The following GPHN variants were observed in gnomAD, a reference collection of about 807,000 sequenced individuals.
The protein encoded by GPHN is gephyrin.
In GPHN, 17 loss-of-function variants were observed where a neutral mutation model predicts 95.5. The ratio of observed to expected loss-of-function variants is 0.18; its 90% CI spans 0.12 to 0.27. The LOEUF (loss-of-function observed/expected upper bound fraction) is 0.27. Ranked by LOEUF, GPHN falls within the 10% of genes least tolerant of loss-of-function variation. The pLI is 1.00. For missense variants in GPHN, 660 were observed against 978.1 expected (o/e 0.67, Z 4.34); for synonymous variants, 320 against 322.5 (o/e 0.99, Z 0.08).
At chr14:67,319,421 C>G in the GPHN span, among the ~76,000 whole-genome samples, 2 of 152,094 alleles carry the variant, frequency 1.3e-5, no homozygotes, top group Non-Finnish European at 2.9e-5. Flanking sequence ...ATTCATGACT[C>G]TGGGTTAGCA....
intron 2 of GPHN, among the ~76,000 whole-genome samples, chr14:66,716,916 TGG>T (rs2070235861): frequency 6.6e-6 from 1 of 152,226 alleles, no homozygotes; most frequent in Non-Finnish European, 1.5e-5. Context: ...ATAGGTTACC[TGG>T]TGCTTTTGTC....
At chr14:67,231,956 G>A in the GPHN span, among the ~76,000 whole-genome samples, 1 of 148,332 alleles carries the variant, frequency 6.7e-6, no homozygotes, top group Non-Finnish European at 1.5e-5. Flanking sequence ...GTGACAGGGT[G>A]AGACTGTGTC....
At chr14:67,197,835 T>TC in the GPHN span, among the ~76,000 whole-genome samples, 1 of 152,174 alleles carries the variant, frequency 6.6e-6, no homozygotes, top group African/African-American at 2.4e-5. Flanking sequence ...TCCAGCCCTA[T>TC]ACTCTGGTCA....
At chr14:67,486,482 C>T in the GPHN span, among the ~76,000 whole-genome samples, 10 of 152,298 alleles carry the variant, frequency 6.6e-5, no homozygotes, top group South Asian at 1.9e-3. Flanking sequence ...ACCATGTTGG[C>T]CAGGATGGTC....
At chr14:67,513,993 TC>T in the GPHN span, among the ~76,000 whole-genome samples, 1 of 152,082 alleles carries the variant, frequency 6.6e-6, no homozygotes, top group Non-Finnish European at 1.5e-5. Flanking sequence ...TGATCCCTCT[TC>T]CTGGTACAGC....
At chr14:66,956,055 CT>C (rs2068486106) in intron 8 of GPHN, among the ~76,000 whole-genome samples, 1 of 152,098 alleles carries the variant, frequency 6.6e-6, no homozygotes, top group Non-Finnish European at 1.5e-5. Context: ...TTTGTTGATT[CT>C]TTCAATGTTT....
intron 1 of GPHN, among the ~76,000 whole-genome samples, chr14:66,553,390 G>T (rs1439333135): frequency 1.3e-5 from 2 of 151,910 alleles, no homozygotes; most frequent in Non-Finnish European, 2.9e-5. Context: ...TCTCCTCTAG[G>T]ATCACAGTTA....
chr14:67,304,433 A>G, the GPHN span, among the ~76,000 whole-genome samples: 1 of 152,238 alleles, frequency 6.6e-6, no homozygotes, highest in African/African-American at 2.4e-5. Flanking sequence ...CAAAATATGT[A>G]TGTATGATGG....
chr14:67,315,997 T>C, the GPHN span, among the ~76,000 whole-genome samples: 2 of 152,246 alleles, frequency 1.3e-5, no homozygotes, highest in Non-Finnish European at 2.9e-5. Context: ...GTTAGTACAC[T>C]TACGAAATGC....
chr14:67,023,084 G>A (rs1184759839), intron 9 of GPHN, among the ~76,000 whole-genome samples: 1 of 151,906 alleles, frequency 6.6e-6, no homozygotes, highest in African/African-American at 2.4e-5. Flanking sequence ...ATGATAATCA[G>A]TAACAGGTTA....
chr14:67,585,701 A>G, the GPHN span: 5,301 of 1,357,404 alleles, frequency 3.9e-3, 172 homozygotes, highest in African/African-American at 0.065. Context: ...CTTCCTCAAC[A>G]TGGTCTTTTC....
chr14:67,645,016 T>C, the GPHN span, among the ~76,000 whole-genome samples: 1 of 121,910 alleles, frequency 8.2e-6, no homozygotes, highest in African/African-American at 3.3e-5. Flanking sequence ...AAAAAAAAAA[T>C]TGAATGCCAT....
chr14:66,570,943 G>A (rs2060661883), intron 1 of GPHN, among the ~76,000 whole-genome samples: 1 of 151,922 alleles, frequency 6.6e-6, no homozygotes, highest in African/African-American at 2.4e-5. Flanking sequence ...CAGGTCTTTA[G>A]CCTGTTTTTT....
the GPHN span, among the ~76,000 whole-genome samples, chr14:67,188,683 G>A: frequency 6.6e-6 from 1 of 152,198 alleles, no homozygotes; most frequent in Non-Finnish European, 1.5e-5. Flanking sequence ...GACAAGTGCA[G>A]AAAGAGACTC....
intron 1 of GPHN, among the ~76,000 whole-genome samples, chr14:66,519,378 CATACA>C (rs1234107713): frequency 1.3e-5 from 2 of 152,066 alleles, no homozygotes; most frequent in East Asian, 1.9e-4. Context: ...GTATGTGTAT[CATACA>C]ATACATCAGA....
chr14:67,549,981 C>A, the GPHN span, among the ~76,000 whole-genome samples: 1 of 152,072 alleles, frequency 6.6e-6, no homozygotes, highest in East Asian at 1.9e-4. Context: ...GCCCCATTCA[C>A]CTGTCTTTCT....
At chr14:67,128,760 C>T (rs1020720456) in intron 17 of GPHN, among the ~76,000 whole-genome samples, 1 of 151,526 alleles carries the variant, frequency 6.6e-6, no homozygotes, top group Non-Finnish European at 1.5e-5. Context: ...TATGGTGAAA[C>T]GCTGTCTCTA....
the GPHN span, chr14:67,292,570 A>T: frequency 6.2e-7 from 1 of 1,613,636 alleles, no homozygotes; most frequent in South Asian, 1.1e-5. Flanking sequence ...AGATTCTCAG[A>T]GCCAGGAGGA....
the GPHN span, among the ~76,000 whole-genome samples, chr14:67,416,692 G>A: frequency 1.3e-5 from 2 of 152,220 alleles, no homozygotes; most frequent in African/African-American, 2.4e-5. Context: ...TACAAAGCAC[G>A]GACAGTGCCA....
Sources: allele counts gnomAD v4.1 joint callset (sites outside exome capture counted in the v4.1 genomes callset), GRCh38; gene constraint gnomAD v4.1.1; transcripts MANE v1.5; gene names NCBI Gene and HGNC (gene_info 2026-07-23, HGNC 2026-07-21).